Variants in FAR1 observed in about 807,000 individuals in gnomAD.
The protein encoded by FAR1 is male sterility domain-containing protein 2.
A neutral mutation model predicts 61.1 loss-of-function variants in FAR1; 22 were observed. The ratio of observed to expected loss-of-function variants is 0.36; its 90% CI spans 0.26 to 0.51. FAR1 has a LOEUF of 0.51. Ranked by LOEUF, FAR1 falls within the 20% of genes least tolerant of loss-of-function variation. The pLI, the probability that FAR1 is intolerant of heterozygous loss-of-function variation, is 0.95. For synonymous variants in FAR1, 206 were observed against 209.7 expected (o/e 0.98, Z 0.15); for missense variants, 359 against 626.9 (o/e 0.57, Z 4.56).
At chr11:13,692,115 C>T (rs1054570147) in intron 1 of FAR1, among the ~76,000 whole-genome samples, 7 of 152,082 alleles carry the variant, frequency 4.6e-5, no homozygotes, top group Admixed American at 1.3e-4. Context: ...TGCAGTGAGC[C>T]GAGATTGTGT....
intron 10 of FAR1, chr11:13,723,486 G>A (rs867615241): frequency 5.0e-5 from 17 of 341,328 alleles, no homozygotes; most frequent in Middle Eastern, 3.9e-4. Context: ...TTCCTGGCTC[G>A]TCTTCCATTT....
At position 13,688,821 on chromosome 11, in the gene FAR1, GTTTTA is replaced by G. The variant is rs559739928; in HGVS notation, c.-7-5934_-7-5930del. ...CATATGAGGTTATTGACATCAAACC[GTTTTA>G]TTTATTTATTTTTTTTAAGAGATGG... On this transcript the variant is annotated intron_variant, in intron 1 of 11. Transcript: ENST00000354817. Among the ~76,000 whole-genome samples, 533 of 152,076 alleles carry G rather than the reference GTTTTA, an allele frequency of 3.5e-3. 6 individuals carry two copies. The highest frequency in any genetic ancestry group is 4.2e-3 in the Non-Finnish European group (289 of 68,004).
chr11:13,675,068 T>TTTC (rs60628454), intron 1 of FAR1, among the ~76,000 whole-genome samples: 1 of 151,266 alleles, frequency 6.6e-6, no homozygotes, highest in Non-Finnish European at 1.5e-5. Context: ...TTTTTTTTTT[T>TTTC]AACCAGTTGT....
intron 2 of FAR1, among the ~76,000 whole-genome samples, chr11:13,699,494 T>A (rs1417638730): frequency 6.6e-6 from 1 of 152,206 alleles, no homozygotes; most frequent in Non-Finnish European, 1.5e-5. Flanking sequence ...TTATATAGAC[T>A]TTCTTCTTAG....
chr11:13,698,255 G>A (rs1394893696), intron 2 of FAR1, among the ~76,000 whole-genome samples: 1 of 152,168 alleles, frequency 6.6e-6, no homozygotes, highest in Non-Finnish European at 1.5e-5. Flanking sequence ...AATGTTTAAA[G>A]TCTTTATCTT....
chr11:13,675,456 A>G (rs976574355), intron 1 of FAR1, among the ~76,000 whole-genome samples: 2 of 152,212 alleles, frequency 1.3e-5, no homozygotes, highest in African/African-American at 4.8e-5. Context: ...AATAAGTTAT[A>G]TCTAAATCTG....
chr11:13,710,344 A>T (rs892475262), intron 4 of FAR1, among the ~76,000 whole-genome samples: 3 of 152,090 alleles, frequency 2.0e-5, no homozygotes, highest in African/African-American at 7.2e-5. Context: ...CTTTAACTTG[A>T]TCTGGGTTAG....
At chr11:13,697,725 A>G (rs1192214904) in intron 2 of FAR1, among the ~76,000 whole-genome samples, 1 of 152,148 alleles carries the variant, frequency 6.6e-6, no homozygotes, top group Non-Finnish European at 1.5e-5. Flanking sequence ...AAGGAAATTA[A>G]AGGTCATCAG....
At position 13,732,204 on chromosome 11, in the gene FAR1, T is replaced by C. The variant is rs138671165; in HGVS notation, c.*3430T>C. The C allele has an allele frequency of 6.6e-6, 1 of 152,340 alleles. No individual in the cohort carries two copies. Among genetic ancestry groups the C allele is most frequent in the Non-Finnish European group, 1.5e-5 (1 of 68,020 alleles). The allele number at this position is 152,340 out of a possible 1,614,324, so 9.4% of individuals were successfully genotyped here. On this transcript the variant is annotated 3_prime_UTR_variant, in exon 12 of 12. Transcript: ENST00000354817. ...ATTTTCTAGTGATAGAATGTATTTGTCTTTTTTCCTGGTGGTACCCTCTTA... is the reference window on the plus strand; with the variant it reads ...ATTTTCTAGTGATAGAATGTATTTGCCTTTTTTCCTGGTGGTACCCTCTTA...
intron 4 of FAR1, 59 bp downstream of exon 4, chr11:13,708,138 C>T (rs570463718): frequency 2.5e-5 from 31 of 1,262,864 alleles, no homozygotes; most frequent in South Asian, 1.3e-4. Context: ...CCAAGGCGGG[C>T]GGATCATGAG....
At chr11:13,724,506 T>C (rs1296168774) in intron 10 of FAR1, among the ~76,000 whole-genome samples, 1 of 149,846 alleles carries the variant, frequency 6.7e-6, no homozygotes, top group East Asian at 2.0e-4. Flanking sequence ...GCCGAGATTG[T>C]GTCACTGCAC....
At chr11:13,707,219 C>A (rs996514804) in intron 3 of FAR1, among the ~76,000 whole-genome samples, 1 of 151,868 alleles carries the variant, frequency 6.6e-6, no homozygotes, top group African/African-American at 2.4e-5. Flanking sequence ...TGCATATATA[C>A]TTTTGCTTTT....
chr11:13,690,905 A>G (rs1303299767), intron 1 of FAR1, among the ~76,000 whole-genome samples: 1 of 152,192 alleles, frequency 6.6e-6, no homozygotes, highest in Admixed American at 6.5e-5. Flanking sequence ...AGGTTTTAGA[A>G]TAGAGGTCTT....
Position 13,668,715 on chromosome 11 carries a change from G to A in FAR1, c.-99G>A, listed in dbSNP as rs1023576084. 2 of 155,382 alleles carry A rather than the reference G, an allele frequency of 1.3e-5. No homozygotes were observed. The highest frequency in any genetic ancestry group is 2.9e-5 in the Non-Finnish European group (2 of 69,976). 9.6% of individuals were successfully genotyped at this position (155,382 alleles called of 1,614,324 possible). A position where few individuals can be genotyped will look rare whatever the true frequency, so the allele number is the denominator to read the frequency against. On this transcript the variant is annotated 5_prime_UTR_variant, in exon 1 of 12. Transcript: ENST00000354817. ...GCAGCCGGTCGCGGGCGGTGGAAAAGCGAGTGAAGAGAGCGCGACGGCGGC... is the reference window on the plus strand; with the variant it reads ...GCAGCCGGTCGCGGGCGGTGGAAAAACGAGTGAAGAGAGCGCGACGGCGGC...
At chr11:13,710,662 G>T in intron 4 of FAR1, 31 bp from the exon 5 acceptor site, 1 of 1,526,160 alleles carries the variant, frequency 6.6e-7, no homozygotes, top group Non-Finnish European at 8.8e-7. Context: ...AAAATATCTG[G>T]AAATATATTT....
At chr11:13,692,528 C>T (rs934611906) in intron 1 of FAR1, among the ~76,000 whole-genome samples, 5 of 151,972 alleles carry the variant, frequency 3.3e-5, no homozygotes, top group Non-Finnish European at 7.4e-5. Flanking sequence ...GATTTTTGTA[C>T]GTCTTCACCA....
Position 13,712,827 on chromosome 11 carries a change from T to A in FAR1, c.888-139T>A, listed in dbSNP as rs1328413046. The A allele has an allele frequency of 3.9e-5, 19 of 487,230 alleles. No homozygotes were observed. In the Admixed American group the frequency reaches 6.4e-4, roughly 16 times the overall value. The allele number at this position is 487,230 out of a possible 1,614,324, so 30.2% of individuals were successfully genotyped here. A position where few individuals can be genotyped will look rare whatever the true frequency, so the allele number is the denominator to read the frequency against. ...AAATAGTCATTAAAGTAAAAACTAA[T>A]CCTTTAAGGATAATTAAAAAAAAAT... is the stretch of plus-strand genomic sequence containing the variant. On this transcript the variant is annotated intron_variant, in intron 7 of 11. Transcript: ENST00000354817.
At chr11:13,714,223 CTG>C in intron 8 of FAR1, among the ~76,000 whole-genome samples, 1 of 152,176 alleles carries the variant, frequency 6.6e-6, no homozygotes, top group African/African-American at 2.4e-5. Context: ...GAAAGTGACA[CTG>C]TAAACTGACA....
At chr11:13,683,672 G>T (rs1282010318) in intron 1 of FAR1, among the ~76,000 whole-genome samples, 6 of 152,088 alleles carry the variant, frequency 3.9e-5, no homozygotes, top group Non-Finnish European at 8.8e-5. Context: ...GAACAACTGT[G>T]CTTAGCTTCA....
Sources: gnomAD v4.1 joint callset for allele counts (sites outside exome capture counted in the v4.1 genomes callset) on GRCh38, gnomAD v4.1.1 for gene constraint, MANE v1.5 for transcripts, NCBI Gene and HGNC (gene_info 2026-07-23, HGNC 2026-07-21) for gene names.